Variants in NHERF4 observed in about 807,000 individuals in gnomAD.
NHERF4 encodes the protein Na(+)/H(+) exchange regulatory cofactor NHE-RF4.
chr11:119,187,628 C>A, the NHERF4 span: 34 of 1,572,002 alleles, frequency 2.2e-5, no homozygotes, highest in African/African-American at 4.1e-5. Flanking sequence ...CAGGGGTGCC[C>A]CCCGGGGCCC....
At chr11:119,188,617 T>C in the NHERF4 span, 1 of 1,613,140 alleles carries the variant, frequency 6.2e-7, no homozygotes, top group Non-Finnish European at 8.5e-7. Flanking sequence ...TCCGAAAGAT[T>C]TGCTCTCCCT....
chr11:119,189,865 T>G, the NHERF4 span: 1 of 360,328 alleles, frequency 2.8e-6, no homozygotes. This position sits in a 1 kb window ranked among gnomAD's most constrained non-coding sequence, Gnocchi z 5.8. Context: ...CAGCTATGCC[T>G]GCCCTCTGTG....
At chr11:119,186,182 C>T in the NHERF4 span, 1 of 1,614,188 alleles carries the variant, frequency 6.2e-7, no homozygotes. This position sits in a 1 kb window ranked among gnomAD's most constrained non-coding sequence, Gnocchi z 4.4. Flanking sequence ...CCCTCACCCC[C>T]TGGCAACCAT....
chr11:119,187,373 T>C, the NHERF4 span: 2 of 1,613,924 alleles, frequency 1.2e-6, no homozygotes, highest in Non-Finnish European at 1.7e-6. Flanking sequence ...GATGCCCACC[T>C]CTGTCCCACC....
At chr11:119,186,342 C>A in the NHERF4 span, 2 of 1,558,340 alleles carry the variant, frequency 1.3e-6, no homozygotes, top group South Asian at 2.2e-5. The surrounding 1 kb of genome is among the most constrained non-coding windows in gnomAD (Gnocchi z 4.4). Flanking sequence ...TGCCCACGAA[C>A]CCCACCACCC....
the NHERF4 span, chr11:119,188,687 C>G: frequency 1.9e-6 from 3 of 1,614,172 alleles, no homozygotes; most frequent in Non-Finnish European, 2.5e-6. Flanking sequence ...AGGCTCCCGC[C>G]TCGCCCCGGG....
chr11:119,188,339 G>T, the NHERF4 span: 10,185 of 1,613,546 alleles, frequency 6.3e-3, 582 homozygotes, highest in African/African-American at 0.12. Context: ...GAGCAGTGAG[G>T]ATGTCTATGC....
chr11:119,189,139 C>G, the NHERF4 span: 1 of 1,613,874 alleles, frequency 6.2e-7, no homozygotes, highest in South Asian at 1.1e-5. This position sits in a 1 kb window ranked among gnomAD's most constrained non-coding sequence, Gnocchi z 5.8. Flanking sequence ...AGCCACCCCT[C>G]TGCCTGAAGC....
chr11:119,187,277 G>T, the NHERF4 span: 3 of 1,598,376 alleles, frequency 1.9e-6, no homozygotes, highest in Admixed American at 5.1e-5. Flanking sequence ...CAGGTGGTAC[G>T]CCGCATCCGG....
the NHERF4 span, chr11:119,186,503 G>A: frequency 3.1e-6 from 5 of 1,614,010 alleles, no homozygotes; most frequent in African/African-American, 2.7e-5. This position sits in a 1 kb window ranked among gnomAD's most constrained non-coding sequence, Gnocchi z 4.4. Context: ...GAGCGGCCTC[G>A]CTTCTGTTTA....
chr11:119,187,973 G>C, the NHERF4 span: 1 of 1,574,786 alleles, frequency 6.4e-7, no homozygotes, highest in Admixed American at 1.9e-5. Context: ...GACCTTGCTG[G>C]TGGCAGGGCC....
At chr11:119,186,243 T>G in the NHERF4 span, 1 of 1,613,810 alleles carries the variant, frequency 6.2e-7, no homozygotes, top group Non-Finnish European at 8.5e-7. The surrounding 1 kb of genome is among the most constrained non-coding windows in gnomAD (Gnocchi z 4.4). Flanking sequence ...ATCTCCTTGG[T>G]AACCACTCAC....
At chr11:119,188,017 GC>G in the NHERF4 span, 1 of 1,561,672 alleles carries the variant, frequency 6.4e-7, no homozygotes, top group Non-Finnish European at 8.7e-7. Context: ...AGCTGGGATT[GC>G]CCCTGGCTGC....
At chr11:119,186,187 A>G in the NHERF4 span, 1 of 1,614,068 alleles carries the variant, frequency 6.2e-7, no homozygotes, top group South Asian at 1.1e-5. The surrounding 1 kb of genome is among the most constrained non-coding windows in gnomAD (Gnocchi z 4.4). Flanking sequence ...ACCCCCTGGC[A>G]ACCATTCCCT....
chr11:119,185,665 T>G, the NHERF4 span: 41 of 785,054 alleles, frequency 5.2e-5, no homozygotes, highest in Middle Eastern at 3.5e-4. Flanking sequence ...AGTTGATATG[T>G]CTGTCTTCCT....
chr11:119,188,552 G>A, the NHERF4 span: 7 of 1,600,020 alleles, frequency 4.4e-6, no homozygotes, highest in East Asian at 2.2e-5. Flanking sequence ...CTTCAGCATG[G>A]TGCGTGCTGA....
At chr11:119,189,071 G>T in the NHERF4 span, 1 of 1,614,118 alleles carries the variant, frequency 6.2e-7, no homozygotes, top group Non-Finnish European at 8.5e-7. The surrounding 1 kb of genome is among the most constrained non-coding windows in gnomAD (Gnocchi z 5.8). Flanking sequence ...GGAAGTGAAC[G>T]GGTATCCTGT....
the NHERF4 span, chr11:119,189,725 T>C: frequency 1.7e-6 from 1 of 580,772 alleles, no homozygotes; most frequent in Non-Finnish European, 3.1e-6. This position sits in a 1 kb window ranked among gnomAD's most constrained non-coding sequence, Gnocchi z 5.8. Context: ...GAGGATGTCA[T>C]ATGGGAGTTT....
At chr11:119,185,573 G>C in the NHERF4 span, 1 of 1,519,908 alleles carries the variant, frequency 6.6e-7, no homozygotes, top group South Asian at 1.1e-5. Flanking sequence ...CGACTTGGAG[G>C]CTGAAGCTTT....
Sources: allele counts gnomAD v4.1 joint callset, GRCh38; gene constraint gnomAD v4.1.1; non-coding constraint Gnocchi (gnomAD v3.1); transcripts MANE v1.5; gene names NCBI Gene and HGNC (gene_info 2026-07-23, HGNC 2026-07-21).